MLIP: variants seen among roughly 807,000 people sequenced by gnomAD.
The protein encoded by MLIP is muscular LMNA interacting protein.
Under a neutral mutation model 84.8 loss-of-function variants are expected in MLIP, and 79 were observed. The observed-to-expected ratio is 0.93, with a 90% CI of 0.78 to 1.12. The LOEUF (loss-of-function observed/expected upper bound fraction) is 1.12, where lower values mean the gene tolerates loss of function less well. Among genes scored for constraint, MLIP ranks in the 50% most tolerant of loss-of-function variants. The pLI, the probability that MLIP is intolerant of heterozygous loss-of-function variation, is 0.00. For synonymous variants in MLIP, 504 were observed against 463.0 expected (o/e 1.09, Z -1.14); for missense variants, 1,257 against 1,160.6 (o/e 1.08, Z -1.21).
intron 5 of MLIP, among the ~76,000 whole-genome samples, chr6:54,157,176 G>A (rs1318888145): frequency 6.6e-6 from 1 of 152,090 alleles, no homozygotes; most frequent in Non-Finnish European, 1.5e-5. Context: ...ACAAAATCCT[G>A]TCCTGAGGAG....
intron 1 of MLIP, among the ~76,000 whole-genome samples, chr6:54,030,348 T>C (rs1376551962): frequency 1.3e-5 from 2 of 152,156 alleles, no homozygotes; most frequent in Non-Finnish European, 2.9e-5. Context: ...GTACAAATAA[T>C]TAGGACTATA....
chr6:54,202,788 C>T (rs1434137015), intron 11 of MLIP, among the ~76,000 whole-genome samples: 1 of 151,926 alleles, frequency 6.6e-6, no homozygotes, highest in Non-Finnish European at 1.5e-5. Flanking sequence ...GTCCCAGCTA[C>T]TTGGCAGGCT....
intron 12 of MLIP, among the ~76,000 whole-genome samples, chr6:54,246,109 T>C (rs968464464): frequency 2.2e-4 from 33 of 152,282 alleles, no homozygotes; most frequent in African/African-American, 7.2e-4. Context: ...GTTCTGTGAA[T>C]CAAATGGAAA....
intron 9 of MLIP, among the ~76,000 whole-genome samples, chr6:54,175,677 A>G (rs1280452662): frequency 6.6e-6 from 1 of 152,022 alleles, no homozygotes; most frequent in African/African-American, 2.4e-5. Context: ...CAAATATAAG[A>G]TAATGTCATC....
intron 1 of MLIP, among the ~76,000 whole-genome samples, chr6:54,023,059 C>A (rs1763588328): frequency 6.6e-6 from 1 of 151,652 alleles, no homozygotes; most frequent in Non-Finnish European, 1.5e-5. Flanking sequence ...CCCAGCTGCT[C>A]GGGAGGCTGA....
At chr6:54,261,493 T>G in intron 13 of MLIP, 1 of 796,984 alleles carries the variant, frequency 1.3e-6, no homozygotes, top group Non-Finnish European at 1.5e-6. Context: ...ATTCTTGTGT[T>G]TTCTTATTCC....
chr6:54,176,992 T>C (rs190642770), intron 9 of MLIP, among the ~76,000 whole-genome samples: 58 of 152,276 alleles, frequency 3.8e-4, no homozygotes, highest in African/African-American at 1.3e-3. Flanking sequence ...GAAAATTGGC[T>C]AGCCGTAAGC....
rs1445543903 is a variant in MLIP at position 54,168,341 on chromosome 6, C to A, written c.2500-1187C>A. 2.0e-5 allele frequency among the ~76,000 whole-genome samples: 3 copies of A among 151,790 alleles called. No homozygotes were observed. In the South Asian group the frequency reaches 6.2e-4, roughly 31 times the overall value. On this transcript the variant is annotated intron_variant, in intron 8 of 13. Transcript: ENST00000502396. ...ATTGTAGACTCCCAGCACTCTTGACCTCCTTAACATCTAGGTGTTCCAGAA... is the reference window on the plus strand; with the variant it reads ...ATTGTAGACTCCCAGCACTCTTGACATCCTTAACATCTAGGTGTTCCAGAA...
At chr6:54,070,207 G>A (rs7743130) in intron 1 of MLIP, among the ~76,000 whole-genome samples, 15,380 of 152,126 alleles carry the variant, frequency 0.1, 1,084 homozygotes, top group East Asian at 0.33. Context: ...AGCTTACCCC[G>A]TAAGCCTGTC....
intron 1 of MLIP, among the ~76,000 whole-genome samples, chr6:54,084,762 T>G (rs1265802244): frequency 6.6e-6 from 1 of 152,204 alleles, no homozygotes; most frequent in African/African-American, 2.4e-5. Flanking sequence ...TCCCAATATA[T>G]CCCTGTTATT....
intron 12 of MLIP, among the ~76,000 whole-genome samples, chr6:54,231,418 C>T (rs574758060): frequency 2.0e-5 from 3 of 152,078 alleles, no homozygotes; most frequent in East Asian, 1.9e-4. Context: ...TGTATAGTAA[C>T]GCGATGTGTA....
intron 1 of MLIP, among the ~76,000 whole-genome samples, chr6:54,090,332 C>G (rs1767780726): frequency 6.6e-6 from 1 of 152,020 alleles, no homozygotes; most frequent in Non-Finnish European, 1.5e-5. Flanking sequence ...AAGTTATGCA[C>G]AATAGTTAAG....
chr6:54,175,503 G>T (rs1022870664), intron 9 of MLIP, among the ~76,000 whole-genome samples: 1 of 151,738 alleles, frequency 6.6e-6, no homozygotes, highest in African/African-American at 2.4e-5. Flanking sequence ...TTTACTTGTG[G>T]CTATTAATGT....
At chr6:54,139,204 GA>G (rs569626397) in intron 4 of MLIP, among the ~76,000 whole-genome samples, 4 of 151,908 alleles carry the variant, frequency 2.6e-5, no homozygotes, top group East Asian at 1.9e-4. Context: ...TTAATCAGTA[GA>G]AAAAAATATA....
At chr6:54,076,310 C>A (rs1396109911) in intron 1 of MLIP, among the ~76,000 whole-genome samples, 1 of 152,278 alleles carries the variant, frequency 6.6e-6, no homozygotes, top group East Asian at 1.9e-4. Flanking sequence ...AACTAAAGGT[C>A]ATGCTGATTG....
chr6:54,037,485 G>A (rs958298858), intron 1 of MLIP, among the ~76,000 whole-genome samples: 1 of 151,904 alleles, frequency 6.6e-6, no homozygotes, highest in African/African-American at 2.4e-5. Flanking sequence ...GAGAGAGACA[G>A]GGAGAGAGAA....
rs745385066 is a variant in MLIP, at chr6:54,189,869, G to C, written c.2545-1G>C. ...ATAAATGCCATGTTTATGTTTTGCAGGCAAATCTCTCCTCACCATCTTCTA... is the reference window on the plus strand; with the variant it reads ...ATAAATGCCATGTTTATGTTTTGCACGCAAATCTCTCCTCACCATCTTCTA... On this transcript the variant is annotated splice_acceptor_variant, in intron 9 of 13. Coordinates refer to ENST00000502396, the MANE Select transcript of MLIP (RefSeq NM_001281747.2). LOFTEE classifies it high-confidence loss of function. 17 of 1,598,076 alleles carry C rather than the reference G, an allele frequency of 1.1e-5. No homozygotes were observed. In the South Asian group the frequency reaches 1.4e-4, roughly 14 times the overall value.
intron 1 of MLIP, among the ~76,000 whole-genome samples, chr6:54,120,975 C>T (rs998761367): frequency 6.6e-6 from 1 of 152,128 alleles, no homozygotes; most frequent in African/African-American, 2.4e-5. Flanking sequence ...TTCTGATAGG[C>T]ATACTTTCAA....
At chr6:54,186,769 T>G (rs115223441) in intron 9 of MLIP, among the ~76,000 whole-genome samples, 2,119 of 152,164 alleles carry the variant, frequency 0.014, 51 homozygotes, top group African/African-American at 0.049. Context: ...GCCCTCAACA[T>G]GTGGGGATTA....
Sources: allele counts gnomAD v4.1 joint callset (sites outside exome capture counted in the v4.1 genomes callset), GRCh38; gene constraint gnomAD v4.1.1; transcripts MANE v1.5; gene names NCBI Gene and HGNC (gene_info 2026-07-23, HGNC 2026-07-21).